Variants in GDAP1 observed in about 807,000 individuals in gnomAD.
GDAP1 encodes ganglioside-induced differentiation-associated protein 1.
In GDAP1, 34 loss-of-function variants were observed where a neutral mutation model predicts 40.1. That is an observed-to-expected ratio of 0.85 (90% CI 0.64 to 1.13). GDAP1 has a LOEUF of 1.13. Among genes scored for constraint, GDAP1 ranks in the 50% most tolerant of loss-of-function variants. The pLI is 0.00. For missense variants in GDAP1, 374 were observed against 433.7 expected, an observed-to-expected ratio of 0.86 and a Z score of 1.22; for synonymous variants, 170 against 157.4, an observed-to-expected ratio of 1.08 and a Z score of -0.60.
At chr8:74,484,294 G>C (rs371140855) in intron 2 of GDAP1, among the ~76,000 whole-genome samples, 3 of 152,042 alleles carry the variant, frequency 2.0e-5, no homozygotes, top group South Asian at 4.1e-4. Flanking sequence ...GGACATATTA[G>C]CAGGTTATAT....
chr8:74,399,254 A>T lies in GDAP1; in HGVS notation c.165+47933A>T, dbSNP rs962537940. On this transcript the variant is annotated intron_variant, in intron 2 of 2. Transcript: ENST00000523640. ...CTGTTATTGGTCTATTCAGAGATTC[A>T]ACTTCTTCCTGGTTTAGTCTTGGGA... is the stretch of plus-strand genomic sequence containing the variant. 7.4e-5 allele frequency among the ~76,000 whole-genome samples: 11 copies of T among 148,552 alleles called. 2 individuals are homozygous for T. The highest frequency in any genetic ancestry group is 2.9e-4 in the African/African-American group (11 of 37,942).
intron 2 of GDAP1, among the ~76,000 whole-genome samples, chr8:74,413,014 C>A (rs1239580060): frequency 8.3e-6 from 1 of 119,812 alleles, no homozygotes; most frequent in Non-Finnish European, 1.6e-5. Flanking sequence ...TTGCAGTGAG[C>A]TGAGATCGCT....
chr8:74,373,716 G>A (rs1392946260), intron 2 of GDAP1, among the ~76,000 whole-genome samples: 2 of 152,148 alleles, frequency 1.3e-5, no homozygotes, highest in South Asian at 2.1e-4. Context: ...GGGACAATTT[G>A]ACTTCCTCTT....
At chr8:74,404,142 C>T (rs530197705) in intron 2 of GDAP1, among the ~76,000 whole-genome samples, 7 of 149,716 alleles carry the variant, frequency 4.7e-5, no homozygotes, top group South Asian at 2.1e-4. Flanking sequence ...TTAAGTGATA[C>T]CTGCATACTC....
chr8:74,460,457 C>T (rs1485673999), intron 2 of GDAP1, among the ~76,000 whole-genome samples: 2 of 152,310 alleles, frequency 1.3e-5, no homozygotes, highest in Admixed American at 6.5e-5. Context: ...CATGTCATGT[C>T]GCCAATTTTA....
intron 2 of GDAP1, among the ~76,000 whole-genome samples, chr8:74,475,440 T>G (rs1050610526): frequency 2.0e-5 from 3 of 152,148 alleles, no homozygotes; most frequent in Non-Finnish European, 4.4e-5. Flanking sequence ...ATTTTCCTTT[T>G]AACACTTCCT....
chr8:74,394,667 T>C, intron 2 of GDAP1, among the ~76,000 whole-genome samples: 1 of 152,094 alleles, frequency 6.6e-6, no homozygotes, highest in East Asian at 1.9e-4. Flanking sequence ...TATATGTCAA[T>C]ATTGACCAGA....
At chr8:74,428,633 ATTTTTTTTTTTTT>A (rs1195348725) in intron 2 of GDAP1, among the ~76,000 whole-genome samples, 9 of 42,844 alleles carry the variant, frequency 2.1e-4, no homozygotes, top group African/African-American at 3.0e-4. Flanking sequence ...CACCCGGCTA[ATTTTTTTTTTTTT>A]TTTTTTTTTT....
intron 2 of GDAP1, among the ~76,000 whole-genome samples, chr8:74,375,486 A>C (rs1185243596): frequency 6.6e-6 from 1 of 152,220 alleles, no homozygotes; most frequent in Non-Finnish European, 1.5e-5. Flanking sequence ...TAATGTTTGA[A>C]AATTACACAG....
chr8:74,399,123 G>A (rs775438738), intron 2 of GDAP1, among the ~76,000 whole-genome samples: 3 of 152,078 alleles, frequency 2.0e-5, no homozygotes, highest in East Asian at 1.9e-4. Flanking sequence ...CAGAAGGAAT[G>A]GTACCAGTTC....
At chr8:74,360,737 C>G (rs1809321303) in intron 3 of GDAP1, among the ~76,000 whole-genome samples, 1 of 152,220 alleles carries the variant, frequency 6.6e-6, no homozygotes, top group Non-Finnish European at 1.5e-5. Context: ...GGGTGTCTAA[C>G]TATTACTCTG....
At chr8:74,431,234 A>G (rs991840696) in intron 2 of GDAP1, among the ~76,000 whole-genome samples, 22 of 151,186 alleles carry the variant, frequency 1.5e-4, no homozygotes, top group Non-Finnish European at 3.0e-4. Flanking sequence ...CTGGTTATTT[A>G]ATGATATTAA....
At position 74,450,553 on chromosome 8, in the gene GDAP1, AT is replaced by A. The variant is rs1218292623; in HGVS notation, c.166-38122del. Among the ~76,000 whole-genome samples the A allele has an allele frequency of 3.3e-5, 5 of 151,994 alleles. No homozygotes were observed. In the East Asian group the frequency reaches 9.6e-4, roughly 29 times the overall value. On this transcript the variant is annotated intron_variant, in intron 2 of 2. Coordinates refer to the GDAP1 transcript ENST00000523640. Reference sequence around the variant, plus strand: ...TTAAATGCATATTAGACACATACACATTTCTCTGGTAGTATTTTGAAGTCTA... The same window carrying A: ...TTAAATGCATATTAGACACATACACATTCTCTGGTAGTATTTTGAAGTCTA...
At position 74,442,612 on chromosome 8, in the gene GDAP1, T is replaced by C. The variant is rs559201023; in HGVS notation, c.166-46066T>C. Among the ~76,000 whole-genome samples, 3 of 152,334 alleles carry C rather than the reference T, an allele frequency of 2.0e-5. No homozygotes were observed. The East Asian group carries it at 5.8e-4, about 29-fold the overall frequency. The stretch of plus-strand genomic sequence containing the variant: ...ACAAACTCTTGGAGATTATTATTCA[T>C]TTAGAGAAGAAATTGAAAAAGACTT... On this transcript the variant is annotated intron_variant, in intron 2 of 2. Transcript: ENST00000523640.
At chr8:74,394,242 A>G (rs952216257) in intron 2 of GDAP1, among the ~76,000 whole-genome samples, 2 of 152,170 alleles carry the variant, frequency 1.3e-5, no homozygotes, top group Non-Finnish European at 2.9e-5. Flanking sequence ...ATTCACTATC[A>G]TGAGAACAGT....
At chr8:74,394,966 C>T (rs1410750848) in intron 2 of GDAP1, among the ~76,000 whole-genome samples, 4 of 152,176 alleles carry the variant, frequency 2.6e-5, no homozygotes, top group Admixed American at 2.6e-4. Flanking sequence ...CCAGAAATTG[C>T]TGCTTTAACT....
Position 74,364,014 on chromosome 8 carries a change from G to A in GDAP1, c.724G>A (p.Glu242Lys), listed in dbSNP as rs892256812. 2.5e-6 allele frequency: 4 copies of A among 1,613,962 alleles called. No individual in the cohort carries two copies. Among genetic ancestry groups the A allele is most frequent in the Non-Finnish European group, 3.4e-6 (4 of 1,179,988 alleles). The change falls in exon 6 of 6, where the codon GAA becomes AAA. Residue 242 changes from glutamate to lysine, a missense_variant. Coordinates refer to ENST00000220822, the MANE Select transcript of GDAP1 (RefSeq NM_018972.4). The part of the protein sequence containing the change: ...EEGQQPWLCG[E>K]SFTLADVSLA... ...GGGCCAGCAACCTTGGCTCTGCGGT[G>A]AATCCTTCACCCTGGCAGACGTCTC... is the stretch of plus-strand genomic sequence containing the variant.
intron 2 of GDAP1, among the ~76,000 whole-genome samples, chr8:74,376,318 A>G (rs1357119607): frequency 1.3e-5 from 2 of 148,496 alleles, no homozygotes; most frequent in Non-Finnish European, 3.0e-5. Flanking sequence ...AGCTAAAACT[A>G]TTTTGAGACA....
At chr8:74,435,351 A>G (rs1029821644) in intron 2 of GDAP1, among the ~76,000 whole-genome samples, 1 of 152,232 alleles carries the variant, frequency 6.6e-6, no homozygotes, top group Non-Finnish European at 1.5e-5. Flanking sequence ...AGAGAGCTAG[A>G]GAAACATCCT....
Sources: gnomAD v4.1 joint callset for allele counts (sites outside exome capture counted in the v4.1 genomes callset) on GRCh38, gnomAD v4.1.1 for gene constraint, MANE v1.5 for transcripts, NCBI Gene and HGNC (gene_info 2026-07-23, HGNC 2026-07-21) for gene names.